Variants in THSD7B observed in about 807,000 individuals in gnomAD.
The protein encoded by THSD7B is thrombospondin type 1 domain containing 7B.
In THSD7B, 138 loss-of-function variants were observed where a neutral mutation model predicts 213.6. The observed-to-expected ratio is 0.65, with a 90% CI of 0.56 to 0.74. The LOEUF is 0.74. Among genes scored for constraint, THSD7B ranks in the 30% least tolerant of loss-of-function variants. The probability of loss-of-function intolerance (pLI) is 0.00; values close to 1 mark genes in which losing one functional copy is unlikely to be tolerated. For synonymous variants in THSD7B, 742 were observed against 687.0 expected (o/e 1.08, Z -1.25); for missense variants, 1,931 against 1,991.5 (o/e 0.97, Z 0.58).
At chr2:137,105,143 A>T (rs1389717299) in intron 4 of THSD7B, among the ~76,000 whole-genome samples, 1 of 152,172 alleles carries the variant, frequency 6.6e-6, no homozygotes, top group African/African-American at 2.4e-5. Flanking sequence ...TGATATATTG[A>T]TGTAAAAATC....
chr2:137,305,290 C>T (rs943474109), intron 12 of THSD7B, among the ~76,000 whole-genome samples: 2 of 152,106 alleles, frequency 1.3e-5, no homozygotes, highest in Non-Finnish European at 2.9e-5. Context: ...GAGTTTATTA[C>T]AGAGACTTGG....
chr2:136,945,860 T>G (rs1409456418), intron 2 of THSD7B, among the ~76,000 whole-genome samples: 3 of 152,318 alleles, frequency 2.0e-5, no homozygotes, highest in Non-Finnish European at 4.4e-5. Context: ...TTATTCTAGT[T>G]AGCCATTTGT....
chr2:137,531,827 G>A (rs896502948), intron 15 of THSD7B, among the ~76,000 whole-genome samples: 1 of 151,900 alleles, frequency 6.6e-6, no homozygotes, highest in East Asian at 1.9e-4. Flanking sequence ...GTGTTTTAAG[G>A]TCTTAGTAGG....
intron 15 of THSD7B, among the ~76,000 whole-genome samples, chr2:137,500,480 T>C (rs1173485459): frequency 6.6e-6 from 1 of 152,148 alleles, no homozygotes; most frequent in Non-Finnish European, 1.5e-5. Flanking sequence ...GCCTAGAGGG[T>C]TGACACACCA....
intron 7 of THSD7B, among the ~76,000 whole-genome samples, chr2:137,183,577 G>GT (rs1038113629): frequency 1.3e-5 from 2 of 151,934 alleles, no homozygotes; most frequent in Non-Finnish European, 2.9e-5. Flanking sequence ...AGAATGACTT[G>GT]TTTTTTTAAT....
chr2:136,780,570 C>G (rs553096662), intron 1 of THSD7B, among the ~76,000 whole-genome samples: 32 of 152,274 alleles, frequency 2.1e-4, no homozygotes, highest in African/African-American at 7.7e-4. Context: ...CCCTAATGAT[C>G]ACCTCTCTTT....
chr2:137,477,608 C>A (rs895559657), intron 15 of THSD7B, among the ~76,000 whole-genome samples: 6 of 150,418 alleles, frequency 4.0e-5, no homozygotes, highest in Admixed American at 1.3e-4. Flanking sequence ...GTTCCTTTCC[C>A]TCTTATTTTT....
chr2:137,072,137 T>C (rs2104892974), intron 3 of THSD7B, among the ~76,000 whole-genome samples: 2 of 152,344 alleles, frequency 1.3e-5, no homozygotes, highest in East Asian at 3.9e-4. Flanking sequence ...TTTCCAATTC[T>C]GTGAAGAAAG....
intron 1 of THSD7B, among the ~76,000 whole-genome samples, chr2:136,771,065 T>G (rs1681496934): frequency 6.6e-6 from 1 of 152,188 alleles, no homozygotes; most frequent in Non-Finnish European, 1.5e-5. Context: ...TTAATTAAAA[T>G]GTATGTATGT....
chr2:137,314,511 A>G (rs1429051939), intron 12 of THSD7B, among the ~76,000 whole-genome samples: 1 of 152,196 alleles, frequency 6.6e-6, no homozygotes. Flanking sequence ...TCACCTCGTC[A>G]AAGTCATTCT....
intron 2 of THSD7B, among the ~76,000 whole-genome samples, chr2:136,931,660 T>C (rs1169699758): frequency 2.0e-5 from 3 of 152,086 alleles, no homozygotes; most frequent in African/African-American, 4.8e-5. Context: ...TACCTCCTAA[T>C]AGATGTCACG....
intron 15 of THSD7B, 86 bp downstream of exon 15, chr2:137,451,109 A>G: frequency 7.4e-7 from 1 of 1,351,038 alleles, no homozygotes; most frequent in East Asian, 2.6e-5. Context: ...TTCTCTTATT[A>G]CAAGGAGCTC....
chr2:137,334,226 C>T lies in THSD7B; in HGVS notation c.2500+58200C>T, dbSNP rs145462855. Reference sequence around the variant, plus strand: ...TTTCTCTCTTTCTCCTTCCTTCCTTCCTTTACCTCAATGCCAGTGGCCATA... The same window carrying T: ...TTTCTCTCTTTCTCCTTCCTTCCTTTCTTTACCTCAATGCCAGTGGCCATA... On this transcript the variant is annotated intron_variant, in intron 12 of 27. Transcript: ENST00000409968. Among the ~76,000 whole-genome samples, 514 of 151,402 alleles carry T rather than the reference C, an allele frequency of 3.4e-3. 3 individuals are homozygous for T. Among genetic ancestry groups the T allele is most frequent in the Non-Finnish European group, 5.7e-3 (388 of 67,880 alleles).
intron 1 of THSD7B, among the ~76,000 whole-genome samples, chr2:136,822,135 T>G (rs1271677498): frequency 1.3e-5 from 2 of 151,854 alleles, no homozygotes; most frequent in African/African-American, 4.8e-5. Context: ...AAAGAGGAGG[T>G]TCAGTCTTCT....
intron 2 of THSD7B, among the ~76,000 whole-genome samples, chr2:136,919,128 C>T (rs911015171): frequency 4.6e-5 from 7 of 152,200 alleles, no homozygotes; most frequent in Non-Finnish European, 7.3e-5. Context: ...AAAATGCATG[C>T]AGTTTAGGAG....
chr2:136,863,492 G>A (rs896595895), intron 1 of THSD7B, among the ~76,000 whole-genome samples: 2 of 152,160 alleles, frequency 1.3e-5, no homozygotes, highest in African/African-American at 2.4e-5. Flanking sequence ...CATACCACCC[G>A]GAACACGCCT....
At chr2:137,289,066 A>G (rs1248875416) in intron 12 of THSD7B, among the ~76,000 whole-genome samples, 2 of 151,510 alleles carry the variant, frequency 1.3e-5, no homozygotes, top group Non-Finnish European at 2.9e-5. Context: ...CTTTTTTACC[A>G]GTGCTTATAG....
At chr2:137,618,830 TTTGTA>T (rs1682459656) in intron 19 of THSD7B, among the ~76,000 whole-genome samples, 1 of 152,224 alleles carries the variant, frequency 6.6e-6, no homozygotes, top group African/African-American at 2.4e-5. Flanking sequence ...ATGTGATTCT[TTTGTA>T]TTGGACAGGT....
chr2:136,775,351 A>G (rs536812532), intron 1 of THSD7B, among the ~76,000 whole-genome samples: 5 of 152,230 alleles, frequency 3.3e-5, no homozygotes, highest in Non-Finnish European at 4.4e-5. Context: ...TCTGGTCTCA[A>G]TCCTTTTCTA....
Sources: gnomAD v4.1 joint callset for allele counts (sites outside exome capture counted in the v4.1 genomes callset) on GRCh38, gnomAD v4.1.1 for gene constraint, MANE v1.5 for transcripts, NCBI Gene and HGNC (gene_info 2026-07-23, HGNC 2026-07-21) for gene names.